Variants in CDC14A observed in about 807,000 individuals in gnomAD.
CDC14A encodes cell division cycle 14A.
CDC14A carries 53 observed loss-of-function variants against 74.4 expected under a neutral mutation model. The ratio of observed to expected loss-of-function variants is 0.71; its 90% CI spans 0.57 to 0.89. The LOEUF (loss-of-function observed/expected upper bound fraction) is 0.89, where lower values mean the gene tolerates loss of function less well. Ranked by LOEUF, CDC14A falls within the 40% of genes least tolerant of loss-of-function variation. CDC14A has a pLI of 0.00. For synonymous variants in CDC14A, 247 were observed against 258.4 expected (o/e 0.96, Z 0.43); for missense variants, 646 against 713.7 (o/e 0.91, Z 1.08).
intron 9 of CDC14A, among the ~76,000 whole-genome samples, chr1:100,464,680 A>G (rs564038766): frequency 2.6e-5 from 4 of 152,258 alleles, no homozygotes; most frequent in African/African-American, 7.2e-5. Flanking sequence ...CGTAGAGTTT[A>G]TCTGTGGATT....
At position 100,516,704 on chromosome 1, in the gene CDC14A, A is replaced by C. The variant is rs28364919; in HGVS notation, c.1756-1547A>C. Among the ~76,000 whole-genome samples the C allele has an allele frequency of 7.9e-3, 1,205 of 152,240 alleles. 14 individuals carry two copies. The highest frequency in any genetic ancestry group is 0.027 in the African/African-American group (1,132 of 41,522). On this transcript the variant is annotated intron_variant, in intron 15 of 15. Transcript: ENST00000336454. ...TTTATGCTCTAATTGCGAGTGTGGT[A>C]GCTGGCGTCCCTCAAGTGGAATGTA...
intron 2 of CDC14A, among the ~76,000 whole-genome samples, chr1:100,354,299 G>T (rs1651574743): frequency 6.6e-6 from 1 of 152,212 alleles, no homozygotes; most frequent in African/African-American, 2.4e-5. Flanking sequence ...TGTTTGTGCA[G>T]CTCTTTTTCA....
chr1:100,399,949 TA>T (rs1314510666), intron 4 of CDC14A, among the ~76,000 whole-genome samples: 1 of 152,214 alleles, frequency 6.6e-6, no homozygotes, highest in Admixed American at 6.5e-5. Flanking sequence ...CAAGTTTCTG[TA>T]AAAAATTAGG....
At chr1:100,356,722 C>T (rs568396638) in intron 2 of CDC14A, among the ~76,000 whole-genome samples, 8 of 151,968 alleles carry the variant, frequency 5.3e-5, no homozygotes, top group Non-Finnish European at 7.4e-5. Flanking sequence ...GGCATGGTGG[C>T]GTGTTCCTAT....
intron 4 of CDC14A, among the ~76,000 whole-genome samples, chr1:100,418,348 G>C (rs1216539581): frequency 6.6e-6 from 1 of 152,140 alleles, no homozygotes; most frequent in Admixed American, 6.6e-5. Context: ...TGAAATATAG[G>C]TCTAATAGGT....
upstream of CDC14A, chr1:100,351,712 T>C (rs1168353996): frequency 6.5e-7 from 1 of 1,541,292 alleles, no homozygotes. Flanking sequence ...TGTGATGCTT[T>C]TGCGCTCACA....
intron 15 of CDC14A, among the ~76,000 whole-genome samples, chr1:100,512,336 G>A (rs1649851656): frequency 1.3e-5 from 2 of 152,060 alleles, no homozygotes; most frequent in Admixed American, 1.3e-4. Flanking sequence ...GTCAGATAAT[G>A]TATCTGGGTT....
At chr1:100,487,135 T>A (rs1022820453) in intron 11 of CDC14A, among the ~76,000 whole-genome samples, 2 of 152,244 alleles carry the variant, frequency 1.3e-5, no homozygotes, top group Admixed American at 1.3e-4. Flanking sequence ...AGTATTCCTC[T>A]TGAGATTGAC....
At position 100,508,186 on chromosome 1, in the gene CDC14A, T is replaced by C. The variant is rs79376268; in HGVS notation, c.1755+8924T>C. On this transcript the variant is annotated intron_variant, in intron 15 of 15. Transcript: ENST00000336454. This position sits in a 1 kb window ranked among gnomAD's most constrained non-coding sequence, Gnocchi z 4.4. ...TTGATTTCAGGGGCTATATCTTTCT[T>C]TTCCAGCATTTCTAATTTGATCCTT... Among the ~76,000 whole-genome samples the C allele has an allele frequency of 3.8e-3, 575 of 152,266 alleles. 4 individuals carry two copies. Among genetic ancestry groups the C allele is most frequent in the Non-Finnish European group, 5.2e-3 (351 of 68,014 alleles).
chr1:100,357,260 T>C (rs1652044287), intron 2 of CDC14A, among the ~76,000 whole-genome samples: 2 of 152,110 alleles, frequency 1.3e-5, no homozygotes, highest in South Asian at 2.1e-4. Flanking sequence ...TCTGGGAAGA[T>C]AGAGAAGGTC....
At chr1:100,426,105 ACT>A (rs1662931380) in intron 5 of CDC14A, among the ~76,000 whole-genome samples, 1 of 152,136 alleles carries the variant, frequency 6.6e-6, no homozygotes. Flanking sequence ...TACTATTATT[ACT>A]GTTAGTAACA....
chr1:100,499,367 G>A, intron 15 of CDC14A, 105 bp downstream of exon 15: 1 of 1,611,572 alleles, frequency 6.2e-7, no homozygotes, highest in South Asian at 1.1e-5. Context: ...ATAGTGCCAA[G>A]GAAGCCTTCT....
chr1:100,504,542 A>G (rs1649064890), intron 15 of CDC14A, among the ~76,000 whole-genome samples: 1 of 152,190 alleles, frequency 6.6e-6, no homozygotes, highest in Admixed American at 6.5e-5. Flanking sequence ...GCTAATATTA[A>G]ATAAAACTTT....
chr1:100,442,129 A>G (rs1664994455), intron 6 of CDC14A, among the ~76,000 whole-genome samples: 1 of 150,720 alleles, frequency 6.6e-6, no homozygotes, highest in Non-Finnish European at 1.5e-5. Flanking sequence ...AAAACTGAGT[A>G]TGACTTTTAC....
At chr1:100,377,956 G>A (rs1433868589) in intron 3 of CDC14A, among the ~76,000 whole-genome samples, 1 of 152,206 alleles carries the variant, frequency 6.6e-6, no homozygotes, top group African/African-American at 2.4e-5. Flanking sequence ...CTTCAGATAT[G>A]CCTGTAGACC....
intron 10 of CDC14A, among the ~76,000 whole-genome samples, chr1:100,477,029 G>A (rs1027031227): frequency 1.3e-5 from 2 of 152,144 alleles, no homozygotes; most frequent in Admixed American, 1.3e-4. Flanking sequence ...GGAGTAAGGA[G>A]CCATAAGCCA....
At chr1:100,420,051 C>CATATATAT (rs1430165704) in intron 4 of CDC14A, among the ~76,000 whole-genome samples, 211 of 14,716 alleles carry the variant, frequency 0.014, 1 homozygote, top group African/African-American at 0.052. Flanking sequence ...CACACACACA[C>CATATATAT]ACACACACAC....
At chr1:100,455,611 A>G in intron 8 of CDC14A, 119 bp downstream of exon 8, 1 of 668,556 alleles carries the variant, frequency 1.5e-6, no homozygotes, top group East Asian at 2.8e-5. Context: ...TTTATTCATA[A>G]TTTAAAAAAT....
intron 11 of CDC14A, among the ~76,000 whole-genome samples, chr1:100,494,474 C>T (rs1647474732): frequency 6.6e-6 from 1 of 152,152 alleles, no homozygotes; most frequent in Admixed American, 6.5e-5. Flanking sequence ...CATATTTGTA[C>T]TGCATCTGTG....
Sources: allele counts gnomAD v4.1 joint callset (sites outside exome capture counted in the v4.1 genomes callset), GRCh38; gene constraint gnomAD v4.1.1; non-coding constraint Gnocchi (gnomAD v3.1); transcripts MANE v1.5; gene names NCBI Gene and HGNC (gene_info 2026-07-23, HGNC 2026-07-21).